Variants in TMEM131L observed in about 807,000 individuals in gnomAD.
TMEM131L encodes transmembrane 131 like.
TMEM131L carries 54 observed loss-of-function variants against 192.2 expected under a neutral mutation model. That is an observed-to-expected ratio of 0.28 (90% CI 0.23 to 0.35). The LOEUF (loss-of-function observed/expected upper bound fraction) is 0.35, where lower values mean the gene tolerates loss of function less well. Among genes scored for constraint, TMEM131L ranks in the 10% least tolerant of loss-of-function variants. The pLI, the probability that TMEM131L is intolerant of heterozygous loss-of-function variation, is 1.00. For missense variants in TMEM131L, 1,888 were observed against 1,972.9 expected (o/e 0.96, Z 0.82); for synonymous variants, 701 against 704.9 (o/e 0.99, Z 0.09).
chr4:153,555,769 CT>C lies in TMEM131L; in HGVS notation c.309-15del. 2 of 1,546,122 alleles carry C rather than the reference CT, an allele frequency of 1.3e-6. No individual in the cohort carries two copies. The highest frequency in any genetic ancestry group is 1.8e-6 in the Non-Finnish European group (2 of 1,142,802). On this transcript the variant is annotated splice_polypyrimidine_tract_variant and intron_variant, in intron 4 of 34. Transcript: ENST00000409959. This position sits in a 1 kb window ranked among gnomAD's most constrained non-coding sequence, Gnocchi z 4.1. ...AACCACACAATACATTGATTTTTCT[CT>C]TTGTTTCTCCTCCTAGGTTCCTGGG...
At position 153,545,412 on chromosome 4, in the gene TMEM131L, T is replaced by C. The variant is rs555926982; in HGVS notation, c.240-4661T>C. ...ACGCCATTCTCCTGCCTCAGCCTCC[T>C]GAGTAGCTGGGACTACAGGCGCCCG... On this transcript the variant is annotated intron_variant, in intron 3 of 34. Coordinates refer to ENST00000409959, the MANE Select transcript of TMEM131L (RefSeq NM_001131007.2). Among the ~76,000 whole-genome samples, 57 of 151,898 alleles carry C rather than the reference T, an allele frequency of 3.8e-4. 1 individual carries two copies. The South Asian group carries it at 0.011, about 28-fold the overall frequency.
chr4:153,477,678 A>G (rs1227181092), intron 3 of TMEM131L, among the ~76,000 whole-genome samples: 1 of 152,148 alleles, frequency 6.6e-6, no homozygotes, highest in Non-Finnish European at 1.5e-5. Flanking sequence ...TGTATAATCT[A>G]TGTGCTTTTT....
intron 7 of TMEM131L, among the ~76,000 whole-genome samples, chr4:153,563,572 G>A (rs565303662): frequency 2.4e-4 from 32 of 135,866 alleles, no homozygotes; most frequent in African/African-American, 7.4e-4. Flanking sequence ...AGCTCGACCC[G>A]TCCTCCTGCC....
chr4:153,604,313 A>G lies in TMEM131L; in HGVS notation c.3301A>G (p.Lys1101Glu), dbSNP rs888497306. The change falls in exon 25 of 35, where the codon AAG becomes GAG. Residue 1101 changes from lysine (K) to glutamate (E), a missense_variant. Transcript: ENST00000409959. ...IKTSENTAEF[K>E]ERELCPLKTS... ...AACTTCAGAGAACACAGCCGAGTTC[A>G]AGGAACGGGAGCTCTGTCCACTGAA... The G allele has an allele frequency of 6.2e-7, 1 of 1,614,086 alleles. No individual in the cohort carries two copies. Among genetic ancestry groups the G allele is most frequent in the African/African-American group, 1.3e-5 (1 of 74,934 alleles).
chr4:153,617,092 TATGGGAGGTGGTTGA>T (rs1733025436), intron 26 of TMEM131L, among the ~76,000 whole-genome samples: 2 of 152,168 alleles, frequency 1.3e-5, no homozygotes, highest in South Asian at 4.1e-4. Flanking sequence ...GGAGGAACCC[TATGGGAGGTGGTTGA>T]ATTATGGGGG....
chr4:153,495,221 G>A (rs1191687698), intron 3 of TMEM131L, among the ~76,000 whole-genome samples: 3 of 152,092 alleles, frequency 2.0e-5, no homozygotes, highest in African/African-American at 7.2e-5. Context: ...AGGCTCTGAG[G>A]TAGGAGAATT....
chr4:153,548,275 C>G (rs1737343429), intron 3 of TMEM131L, among the ~76,000 whole-genome samples: 1 of 152,102 alleles, frequency 6.6e-6, no homozygotes, highest in African/African-American at 2.4e-5. Context: ...CAGATGGAGC[C>G]CAAGGCATTA....
chr4:153,487,717 TGTGA>T (rs1165788873), intron 3 of TMEM131L, among the ~76,000 whole-genome samples: 20 of 145,502 alleles, frequency 1.4e-4, no homozygotes, highest in African/African-American at 5.1e-4. Flanking sequence ...TGTGTGTGTG[TGTGA>T]GAGAGAGAGA....
chr4:153,554,550 C>G (rs1737857567), intron 4 of TMEM131L, among the ~76,000 whole-genome samples: 1 of 152,188 alleles, frequency 6.6e-6, no homozygotes, highest in Non-Finnish European at 1.5e-5. Flanking sequence ...CTAAAGGATA[C>G]ATTTTTAATA....
At chr4:153,623,903 T>G (rs1180673122) in intron 29 of TMEM131L, among the ~76,000 whole-genome samples, 1 of 151,874 alleles carries the variant, frequency 6.6e-6, no homozygotes, top group African/African-American at 2.4e-5. Context: ...ATATTTGCTT[T>G]TTTTTTTTTA....
chr4:153,601,983 G>C, intron 21 of TMEM131L, 169 bp from the exon 22 acceptor site: 2 of 486,106 alleles, frequency 4.1e-6, no homozygotes, highest in Non-Finnish European at 7.1e-6. Context: ...ATCTATAATT[G>C]TTCTAGAAAT....
At chr4:153,616,213 C>T (rs1161615236) in intron 26 of TMEM131L, among the ~76,000 whole-genome samples, 2 of 152,200 alleles carry the variant, frequency 1.3e-5, no homozygotes, top group Non-Finnish European at 2.9e-5. Context: ...AGGTTGTCCC[C>T]AACCAAGTCA....
Position 153,583,634 on chromosome 4 carries a change from C to A in TMEM131L, c.1022C>A (p.Thr341Lys). 3.7e-6 allele frequency: 6 copies of A among 1,607,696 alleles called. No individual in the cohort carries two copies. Among genetic ancestry groups the A allele is most frequent in the Non-Finnish European group, 5.1e-6 (6 of 1,177,784 alleles). Residue 341 changes from threonine to lysine, a missense_variant, in exon 11 of 35, where the codon ACA becomes AAA. Transcript: ENST00000409959. ...GAACCAGTACTACTACCTACTTCTA[C>A]AACAAACTTTACAAAAATTGCTTCT... ...QFEPVLLPTS[T>K]TNFTKIASFT...
chr4:153,632,653 G>A, intron 31 of TMEM131L, 65 bp from the exon 32 acceptor site: 1 of 1,598,850 alleles, frequency 6.3e-7, no homozygotes. Context: ...AAGGGCAGGT[G>A]CAGGAAGGGT....
At chr4:153,590,896 T>G (rs1731021873) in intron 16 of TMEM131L, among the ~76,000 whole-genome samples, 157 bp from the exon 17 acceptor site, 1 of 152,230 alleles carries the variant, frequency 6.6e-6, no homozygotes, top group Non-Finnish European at 1.5e-5. Flanking sequence ...TCTTGTACTT[T>G]CCCATCCCCA....
intron 3 of TMEM131L, among the ~76,000 whole-genome samples, chr4:153,533,355 A>G (rs1736065906): frequency 6.6e-6 from 1 of 152,092 alleles, no homozygotes; most frequent in Admixed American, 6.6e-5. Context: ...TGCGTGTGGG[A>G]GTGGGGCGCA....
At chr4:153,631,364 C>T (rs1323281139) in intron 31 of TMEM131L, among the ~76,000 whole-genome samples, 1 of 152,164 alleles carries the variant, frequency 6.6e-6, no homozygotes, top group Non-Finnish European at 1.5e-5. Context: ...TGGGGCAAGC[C>T]CACTGCATGA....
rs925969482 is a variant in TMEM131L at position 153,583,613 on chromosome 4, C to A, written c.1001C>A (p.Pro334Gln). Reference sequence around the variant, plus strand: ...GATGCTCTGTCTCTGCAGTTTGAACCAGTACTACTACCTACTTCTACAACA... The same window carrying A: ...GATGCTCTGTCTCTGCAGTTTGAACAAGTACTACTACCTACTTCTACAACA... ...QRDALSLQFE[P>Q]VLLPTSTTNF... Residue 334 changes from proline to glutamine, a missense_variant, in exon 11 of 35, where the codon CCA becomes CAA. Transcript: ENST00000409959. 3 of 1,612,340 alleles carry A rather than the reference C, an allele frequency of 1.9e-6. No individual in the cohort carries two copies. Among genetic ancestry groups the A allele is most frequent in the Non-Finnish European group, 2.5e-6 (3 of 1,179,430 alleles).
chr4:153,566,431 G>C (rs75324534), intron 7 of TMEM131L, among the ~76,000 whole-genome samples: 2 of 152,078 alleles, frequency 1.3e-5, no homozygotes, highest in African/African-American at 2.4e-5. Flanking sequence ...CACTGTGTCC[G>C]GCTGAAACTT....
Sources: allele counts gnomAD v4.1 joint callset (sites outside exome capture counted in the v4.1 genomes callset), GRCh38; gene constraint gnomAD v4.1.1; non-coding constraint Gnocchi (gnomAD v3.1); transcripts MANE v1.5; gene names NCBI Gene and HGNC (gene_info 2026-07-23, HGNC 2026-07-21).